SORCS3: variants seen among roughly 807,000 people sequenced by gnomAD.
SORCS3 encodes sortilin related VPS10 domain containing receptor 3, also known as VPS10 domain-containing receptor SorCS3.
A neutral mutation model predicts 146.3 loss-of-function variants in SORCS3; 57 were observed. That is an observed-to-expected ratio of 0.39 (90% CI 0.31 to 0.49). The LOEUF (loss-of-function observed/expected upper bound fraction) is 0.49. Among genes scored for constraint, SORCS3 ranks in the 20% least tolerant of loss-of-function variants. The probability of loss-of-function intolerance (pLI) is 0.92; values close to 1 mark genes in which losing one functional copy is unlikely to be tolerated. For synonymous variants in SORCS3, 653 were observed against 618.5 expected (o/e 1.06, Z -0.83); for missense variants, 1,341 against 1,575.5 (o/e 0.85, Z 2.52).
intron 5 of SORCS3, among the ~76,000 whole-genome samples, chr10:105,055,500 C>A (rs2055439978): frequency 6.6e-6 from 1 of 152,140 alleles, no homozygotes; most frequent in African/African-American, 2.4e-5. Context: ...GAAAGGATAC[C>A]AGATGCTACA....
rs1284868985 is a variant in SORCS3 at position 105,157,143 on chromosome 10, A to G, written c.1488A>G (p.Ala496=). Reference sequence around the variant, plus strand: ...TCTCTCACCTTTTTTCCTAGGTAGCAGGTATCAAAGGGATATTTCTGGCAA... The same window carrying G: ...TCTCTCACCTTTTTTCCTAGGTAGCGGGTATCAAAGGGATATTTCTGGCAA... The part of the protein sequence containing the change: ...GNIIIELYEV[A]GIKGIFLANK... Residue 496 remains alanine, a synonymous_variant, in exon 10 of 27, where the codon GCA becomes GCG. Transcript: ENST00000369701. 6.2e-7 allele frequency: 1 copy of G among 1,613,782 alleles called. No homozygotes were observed. Among genetic ancestry groups the G allele is most frequent in the African/African-American group, 1.3e-5 (1 of 74,906 alleles).
chr10:105,202,532 T>C (rs771761562), intron 16 of SORCS3, among the ~76,000 whole-genome samples: 3 of 152,148 alleles, frequency 2.0e-5, no homozygotes, highest in Non-Finnish European at 4.4e-5. Flanking sequence ...CACAGTCTAG[T>C]ATATCCCTGT....
chr10:105,040,252 C>G (rs1280380014), intron 4 of SORCS3, among the ~76,000 whole-genome samples: 3 of 152,028 alleles, frequency 2.0e-5, no homozygotes, highest in Admixed American at 2.0e-4. Context: ...CCCCACCTCT[C>G]AATATAAATA....
chr10:105,233,331 A>G (rs1353166112), intron 20 of SORCS3, among the ~76,000 whole-genome samples: 1 of 152,168 alleles, frequency 6.6e-6, no homozygotes, highest in Non-Finnish European at 1.5e-5. Flanking sequence ...ATAAGTATAC[A>G]TAATCAAATA....
chr10:104,762,581 C>G (rs766479758), intron 1 of SORCS3, among the ~76,000 whole-genome samples: 9 of 152,168 alleles, frequency 5.9e-5, no homozygotes, highest in Admixed American at 2.0e-4. Context: ...CTGCCCAAAT[C>G]TCATCTCAAA....
intron 1 of SORCS3, among the ~76,000 whole-genome samples, chr10:104,777,704 A>G (rs1470840425): frequency 6.6e-6 from 1 of 152,212 alleles, no homozygotes; most frequent in African/African-American, 2.4e-5. Flanking sequence ...CTAAATGCCA[A>G]TAATGCTGCT....
chr10:104,903,946 G>T (rs1384743443), intron 2 of SORCS3, among the ~76,000 whole-genome samples: 1 of 152,078 alleles, frequency 6.6e-6, no homozygotes, highest in Non-Finnish European at 1.5e-5. Context: ...GGAAACTATA[G>T]TTTTTTAAAT....
chr10:105,232,755 T>G (rs1400081553), intron 20 of SORCS3, among the ~76,000 whole-genome samples: 1 of 152,134 alleles, frequency 6.6e-6, no homozygotes, highest in Admixed American at 6.6e-5. Context: ...CTTTTTAGTT[T>G]CTCTTGACAT....
intron 2 of SORCS3, among the ~76,000 whole-genome samples, chr10:104,904,715 A>G (rs981986295): frequency 1.3e-5 from 2 of 151,994 alleles, no homozygotes; most frequent in African/African-American, 4.8e-5. Context: ...TTGTAAACAC[A>G]CAAGAGTTAA....
Position 104,672,709 on chromosome 10 carries a change from ATTGT to A in SORCS3, c.627+30762_627+30765del, listed in dbSNP as rs1487176766. ...TCTGTTTTGATGTTTTCTTTGCTGC[ATTGT>A]TTGTTTAAGAGTGTGTTGTTTAATT... On this transcript the variant is annotated intron_variant, in intron 1 of 26. Transcript: ENST00000369701. Among the ~76,000 whole-genome samples the A allele has an allele frequency of 5.3e-5, 8 of 151,934 alleles. No individual in the cohort carries two copies. In the East Asian group the frequency reaches 5.8e-4, roughly 11 times the overall value.
chr10:105,110,758 C>A (rs2055854283), intron 7 of SORCS3, among the ~76,000 whole-genome samples: 2 of 152,034 alleles, frequency 1.3e-5, no homozygotes, highest in African/African-American at 4.8e-5. Context: ...TTTCTTATTG[C>A]TTTAGGGTGA....
At chr10:105,083,173 TATTG>T (rs2133735446) in intron 5 of SORCS3, among the ~76,000 whole-genome samples, 1 of 151,052 alleles carries the variant, frequency 6.6e-6, no homozygotes, top group Non-Finnish European at 1.5e-5. Context: ...ATAAAGGCAT[TATTG>T]ATTACTTGTT....
chr10:105,000,017 G>C (rs189460090), intron 4 of SORCS3, among the ~76,000 whole-genome samples: 10 of 151,978 alleles, frequency 6.6e-5, no homozygotes, highest in African/African-American at 2.4e-4. Context: ...ATAAAGTACA[G>C]TCTTCCTAAA....
In SORCS3 at chr10:104,915,888, A is replaced by T; in HGVS notation, c.751A>T (p.Thr251Ser). 1 of 1,614,090 alleles carries T rather than the reference A, an allele frequency of 6.2e-7. No homozygotes were observed. Among genetic ancestry groups the T allele is most frequent in the South Asian group, 1.1e-5 (1 of 91,078 alleles). The change falls in exon 3 of 27, where the codon ACT becomes TCT. Residue 251 changes from threonine to serine, a missense_variant. Transcript: ENST00000369701. ...GCTGAATGACAAAGTGGGTTTGAAG[A>T]CTGTCCTCAGTTACCTCTATGTCAA... Reference protein sequence around the residue: ...EKLNDKVGLKTVLSYLYVNPT... With the variant: ...EKLNDKVGLKSVLSYLYVNPT...
chr10:104,982,177 A>G (rs1467016738), intron 4 of SORCS3, among the ~76,000 whole-genome samples: 1 of 152,156 alleles, frequency 6.6e-6, no homozygotes, highest in Non-Finnish European at 1.5e-5. Context: ...AGCTGGCAAC[A>G]CAGGACCCAG....
intron 6 of SORCS3, among the ~76,000 whole-genome samples, chr10:105,102,096 C>T (rs1363476056): frequency 1.3e-5 from 2 of 152,112 alleles, no homozygotes; most frequent in Non-Finnish European, 2.9e-5. Context: ...ACAGGCTGTC[C>T]TTAAAGCATG....
chr10:104,933,974 T>C (rs2133612912), intron 3 of SORCS3, among the ~76,000 whole-genome samples: 1 of 152,160 alleles, frequency 6.6e-6, no homozygotes, highest in East Asian at 1.9e-4. Context: ...TTTGTACTTT[T>C]AGTAGAGATG....
intron 4 of SORCS3, among the ~76,000 whole-genome samples, chr10:104,996,546 T>C (rs1002216578): frequency 2.6e-5 from 4 of 151,648 alleles, no homozygotes; most frequent in African/African-American, 7.3e-5. Flanking sequence ...CATAAAAGAA[T>C]TGAACAATTC....
At chr10:104,754,341 A>G (rs1589486245) in intron 1 of SORCS3, among the ~76,000 whole-genome samples, 1 of 152,104 alleles carries the variant, frequency 6.6e-6, no homozygotes, top group Non-Finnish European at 1.5e-5. Flanking sequence ...GGCCTCCAGA[A>G]TCTCTCCAGC....
Sources: gnomAD v4.1 joint callset for allele counts (sites outside exome capture counted in the v4.1 genomes callset) on GRCh38, gnomAD v4.1.1 for gene constraint, MANE v1.5 for transcripts, NCBI Gene and HGNC (gene_info 2026-07-23, HGNC 2026-07-21) for gene names.